Variants in LRRC53 observed in about 807,000 individuals in gnomAD.
LRRC53 encodes the protein leucine-rich repeat-containing protein 53.
Under a neutral mutation model 13.6 loss-of-function variants are expected in LRRC53, and 25 were observed. The observed-to-expected ratio is 1.83, with a 90% CI of 1.34 to 2.56. The LOEUF (loss-of-function observed/expected upper bound fraction) is 2.56, where lower values mean the gene tolerates loss of function less well. Among genes scored for constraint, LRRC53 ranks in the 30% most tolerant of loss-of-function variants. LRRC53 has a pLI of 0.00. For missense variants in LRRC53, 527 were observed against 275.8 expected (o/e 1.91, Z -6.45); for synonymous variants, 204 against 109.8 (o/e 1.86, Z -5.37).
chr1:74,494,336 T>C (rs928417306), intron 1 of LRRC53, among the ~76,000 whole-genome samples: 5 of 152,178 alleles, frequency 3.3e-5, no homozygotes, highest in Non-Finnish European at 7.4e-5. Context: ...CCTGATCTGA[T>C]AAAGGAGTTG....
intron 1 of LRRC53, among the ~76,000 whole-genome samples, chr1:74,497,666 C>T (rs1289469130): frequency 6.6e-6 from 1 of 151,976 alleles, no homozygotes. Context: ...TCAGCCTTGA[C>T]CTCTCTGCTT....
Position 74,505,100 on chromosome 1 carries a change from C to G in LRRC53, c.-27+7426G>C, listed in dbSNP as rs274610. ...AAGAGAAACCCTCTCCATTCATACA[C>G]AAAGGAGGGCCCGGGCCCACTCTTA... On this transcript the variant is annotated intron_variant, in intron 1 of 4. Coordinates refer to ENST00000294635, the MANE Select transcript of LRRC53 (RefSeq NM_001382280.1). Among the ~76,000 whole-genome samples the G allele has an allele frequency of 2.4e-3, 368 of 152,300 alleles. 1 individual carries two copies. Among genetic ancestry groups the G allele is most frequent in the African/African-American group, 8.1e-3 (336 of 41,572 alleles).
At position 74,483,382 on chromosome 1, in the gene LRRC53, G is replaced by C; in HGVS notation, c.-26-7C>G. 1 of 716,942 alleles carries C rather than the reference G, an allele frequency of 1.4e-6. No homozygotes were observed. The highest frequency in any genetic ancestry group is 2.6e-6 in the Non-Finnish European group (1 of 384,778). 44.4% of individuals were successfully genotyped at this position (716,942 alleles called of 1,614,324 possible). On this transcript the variant is annotated splice_region_variant and splice_polypyrimidine_tract_variant and intron_variant, in intron 1 of 4. Coordinates refer to ENST00000294635, the MANE Select transcript of LRRC53 (RefSeq NM_001382280.1). ...AAGAGTACCAGCCATCCACCTGAAA[G>C]GAAAGTAGAGGGCAATGTATATCAT...
intron 1 of LRRC53, among the ~76,000 whole-genome samples, chr1:74,501,347 G>C (rs914802563): frequency 6.6e-6 from 1 of 152,038 alleles, no homozygotes; most frequent in South Asian, 2.1e-4. Context: ...TTTTACAGGA[G>C]AGTTTAAAAA....
chr1:74,486,201 A>AAGAGAGTATAAAGAGAGAGAG, intron 1 of LRRC53, among the ~76,000 whole-genome samples: 1 of 136,516 alleles, frequency 7.3e-6, no homozygotes, highest in Non-Finnish European at 1.6e-5. Context: ...AAATGCTATA[A>AAGAGAGTATAAAGAGAGAGAG]AGAGAGAGAG....
At chr1:74,506,867 A>C (rs754121241) in intron 1 of LRRC53, among the ~76,000 whole-genome samples, 19 of 152,134 alleles carry the variant, frequency 1.2e-4, no homozygotes, top group Non-Finnish European at 2.2e-4. Flanking sequence ...ACTTGATGGA[A>C]AGATTCACTG....
At chr1:74,516,737 T>G (rs1482689861), upstream of LRRC53, among the ~76,000 whole-genome samples, 1 of 152,174 alleles carries the variant, frequency 6.6e-6, no homozygotes, top group Admixed American at 6.5e-5. Context: ...AATTCCAGCA[T>G]TATTTCTCCA....
At chr1:74,483,557 G>A (rs548711598) in intron 1 of LRRC53, among the ~76,000 whole-genome samples, 182 bp from the exon 2 acceptor site, 5 of 152,318 alleles carry the variant, frequency 3.3e-5, no homozygotes, top group African/African-American at 1.2e-4. Context: ...AAACTGAAAT[G>A]TTAAAGCATT....
At position 74,472,042 on chromosome 1, in the gene LRRC53, C is replaced by T; in HGVS notation, c.1580G>A (p.Ser527Asn). 1.4e-6 allele frequency: 1 copy of T among 710,468 alleles called. No homozygotes were observed. The highest frequency in any genetic ancestry group is 2.7e-5 in the East Asian group (1 of 37,224). The allele number at this position is 710,468 out of a possible 1,614,324, so 44.0% of individuals were successfully genotyped here. Reference sequence around the variant, plus strand: ...AGGCTCACAAGGCTTGGATGATGAGCTTGTAATAAAATGTCTTTGCCTATG... The same window carrying T: ...AGGCTCACAAGGCTTGGATGATGAGTTTGTAATAAAATGTCTTTGCCTATG... ...HPHRQRHFIT[S>N]SSSKPCEPEE... Residue 527 changes from serine to asparagine, a missense_variant, in exon 5 of 5, where the codon AGC becomes AAC. Coordinates refer to ENST00000294635, the MANE Select transcript of LRRC53 (RefSeq NM_001382280.1).
chr1:74,510,521 A>G (rs1180529607), intron 1 of LRRC53, among the ~76,000 whole-genome samples: 1 of 152,144 alleles, frequency 6.6e-6, no homozygotes, highest in Non-Finnish European at 1.5e-5. Flanking sequence ...AAAGAATAAA[A>G]TGAGAAAAAA....
intron 1 of LRRC53, among the ~76,000 whole-genome samples, chr1:74,490,445 G>A (rs187036493): frequency 1.1e-4 from 16 of 152,242 alleles, no homozygotes; most frequent in Admixed American, 3.9e-4. Flanking sequence ...ATATCTGGAG[G>A]TGGATTCCAG....
At chr1:74,501,581 G>A (rs142136265) in intron 1 of LRRC53, among the ~76,000 whole-genome samples, 493 of 152,092 alleles carry the variant, frequency 3.2e-3, no homozygotes, top group Admixed American at 0.011. Context: ...CTGCCTCCTG[G>A]GTTCATGCCA....
At chr1:74,482,478 C>A (rs764442920) in intron 2 of LRRC53, among the ~76,000 whole-genome samples, 3 of 152,110 alleles carry the variant, frequency 2.0e-5, no homozygotes, top group African/African-American at 4.8e-5. Flanking sequence ...TGATTAGAAA[C>A]GATATACACA....
chr1:74,534,164 C>T, the LRRC53 span, among the ~76,000 whole-genome samples: 2 of 152,018 alleles, frequency 1.3e-5, no homozygotes, highest in South Asian at 4.1e-4. Flanking sequence ...CATAGTAGAA[C>T]GTAATGTTCT....
chr1:74,529,150 A>T, the LRRC53 span, among the ~76,000 whole-genome samples: 1 of 152,248 alleles, frequency 6.6e-6, no homozygotes. Context: ...GTCTCAAAAT[A>T]CCTCCTCACA....
At chr1:74,534,740 A>G in the LRRC53 span, among the ~76,000 whole-genome samples, 1 of 152,022 alleles carries the variant, frequency 6.6e-6, no homozygotes, top group African/African-American at 2.4e-5. Flanking sequence ...TTTCTTTTAT[A>G]TAAGAATTCT....
intron 1 of LRRC53, among the ~76,000 whole-genome samples, chr1:74,511,658 G>A (rs1670233997): frequency 1.3e-5 from 2 of 151,966 alleles, no homozygotes; most frequent in South Asian, 2.1e-4. Flanking sequence ...AGTCCTGGGG[G>A]AATTCACAGT....
chr1:74,485,108 G>A (rs1668688291), intron 1 of LRRC53, among the ~76,000 whole-genome samples: 2 of 152,124 alleles, frequency 1.3e-5, no homozygotes, highest in South Asian at 4.1e-4. Flanking sequence ...GAACTTTCTA[G>A]CTAGTGATAG....
intron 1 of LRRC53, among the ~76,000 whole-genome samples, chr1:74,493,633 G>T (rs935730227): frequency 6.6e-6 from 1 of 152,138 alleles, no homozygotes; most frequent in Non-Finnish European, 1.5e-5. Flanking sequence ...TTGCTCACTT[G>T]TTTGTGGGCT....
Sources: gnomAD v4.1 joint callset for allele counts (sites outside exome capture counted in the v4.1 genomes callset) on GRCh38, gnomAD v4.1.1 for gene constraint, MANE v1.5 for transcripts, NCBI Gene and HGNC (gene_info 2026-07-23, HGNC 2026-07-21) for gene names.